The following S100A14 variants were observed in gnomAD, a reference collection of about 807,000 sequenced individuals.
The protein encoded by S100A14 is protein S100-A14.
Under a neutral mutation model 10.6 loss-of-function variants are expected in S100A14, and 6 were observed. The observed-to-expected ratio is 0.57, with a 90% CI of 0.31 to 1.12. The LOEUF is 1.12. S100A14 is among the 50% of genes most tolerant of loss of function. The pLI is 0.06. For missense variants in S100A14, 121 were observed against 128.7 expected, an observed-to-expected ratio of 0.94 and a Z score of 0.29; for synonymous variants, 51 against 51.0, an observed-to-expected ratio of 1.00 and a Z score of 0.00.
chr1:153,615,171 G>A, intron 3 of S100A14, 64 bp downstream of exon 3: 3 of 1,598,456 alleles, frequency 1.9e-6, no homozygotes, highest in Non-Finnish European at 2.6e-6. Context: ...GTGTGGGTGG[G>A]GTCCCGGAGC....
In S100A14 at chr1:153,615,838, G is replaced by A. The variant is rs753135707; in HGVS notation, c.21C>T (p.Ala7=). 1.2e-6 allele frequency: 2 copies of A among 1,613,958 alleles called. No individual in the cohort carries two copies. Among genetic ancestry groups the A allele is most frequent in the South Asian group, 1.1e-5 (1 of 91,070 alleles). MGQCRS[A]NAEDAQEFSD... is the part of the protein sequence containing the mutation. Reference sequence around the variant, plus strand: ...GAGTGAATGAGCCCACCTCTGCGTTGGCTGACCGACACTGTCCCATGGTGC... The same window carrying A: ...GAGTGAATGAGCCCACCTCTGCGTTAGCTGACCGACACTGTCCCATGGTGC... The change falls in exon 2 of 4, where the codon GCC becomes GCT. Residue 7 remains alanine, a synonymous_variant. Transcript: ENST00000344616.
In S100A14 at chr1:153,615,888, G is replaced by A. The variant is rs1666953814; in HGVS notation, c.-30C>T. The A allele has an allele frequency of 4.3e-6, 7 of 1,613,078 alleles. No homozygotes were observed. The highest frequency in any genetic ancestry group is 5.9e-6 in the Non-Finnish European group (7 of 1,179,132). On this transcript the variant is annotated 5_prime_UTR_variant, in exon 2 of 4. Coordinates refer to ENST00000344616, the MANE Select transcript of S100A14 (RefSeq NM_020672.3). ...CCCACTGTGTCTGGTCCTTTGGTGAGAGTTCTGTTGTCCTATAGCTGGCCC... is the reference window on the plus strand; with the variant it reads ...CCCACTGTGTCTGGTCCTTTGGTGAAAGTTCTGTTGTCCTATAGCTGGCCC...
Position 153,615,016 on chromosome 1 carries a change from A to G in S100A14, c.184T>C (p.Cys62Arg). 1 of 1,613,820 alleles carries G rather than the reference A, an allele frequency of 6.2e-7. No homozygotes were observed. Among genetic ancestry groups the G allele is most frequent in the Non-Finnish European group, 8.5e-7 (1 of 1,179,900 alleles). ...QQLPHLMPSNCGLEEKIANLG... is the reference protein window; with the variant it reads ...QQLPHLMPSNRGLEEKIANLG... Reference sequence around the variant, plus strand: ...TTGGCAATTTTCTCTTCCAGGCCACAGTTGCTCTGAGGGGAGTGAAGAAAC... The same window carrying G: ...TTGGCAATTTTCTCTTCCAGGCCACGGTTGCTCTGAGGGGAGTGAAGAAAC... The change falls in exon 4 of 4, where the codon TGT becomes CGT. Residue 62 changes from cysteine to arginine, a missense_variant. Coordinates refer to ENST00000344616, the MANE Select transcript of S100A14 (RefSeq NM_020672.3).
Position 153,615,952 on chromosome 1 carries a change from G to A in S100A14, c.-78-16C>T, listed in dbSNP as rs1256125600. 1 of 1,277,978 alleles carries A rather than the reference G, an allele frequency of 7.8e-7. No homozygotes were observed. Among genetic ancestry groups the A allele is most frequent in the Non-Finnish European group, 1.1e-6 (1 of 877,284 alleles). 79.2% of individuals were successfully genotyped at this position (1,277,978 alleles called of 1,614,324 possible). A position where few individuals can be genotyped will look rare whatever the true frequency, so the allele number is the denominator to read the frequency against. On this transcript the variant is annotated splice_polypyrimidine_tract_variant and intron_variant, in intron 1 of 3. Coordinates refer to ENST00000344616, the MANE Select transcript of S100A14 (RefSeq NM_020672.3). ...GGCTCATGATCTGCTTAGAGGAGGGGGTAGGCCTGAGCTGAGGAGAGAGTC... is the reference window on the plus strand; with the variant it reads ...GGCTCATGATCTGCTTAGAGGAGGGAGTAGGCCTGAGCTGAGGAGAGAGTC...
intron 2 of S100A14, 152 bp downstream of exon 2, chr1:153,615,677 G>GTGGGCCTCAGAAGGA (rs1666948177): frequency 2.5e-6 from 2 of 795,760 alleles, no homozygotes; most frequent in Admixed American, 4.2e-5. Context: ...ATCACCCTGT[G>GTGGGCCTCAGAAGGA]TGGGCCTCAG....
At chr1:153,615,677 G>A in intron 2 of S100A14, 152 bp downstream of exon 2, 2 of 795,878 alleles carry the variant, frequency 2.5e-6, no homozygotes, top group Non-Finnish European at 4.2e-6. Context: ...ATCACCCTGT[G>A]TGGGCCTCAG....
At position 153,614,839 on chromosome 1, in the gene S100A14, C is replaced by T. The variant is rs373028509; in HGVS notation, c.*46G>A. The T allele has an allele frequency of 1.9e-6, 3 of 1,596,306 alleles. No individual in the cohort carries two copies. Among genetic ancestry groups the T allele is most frequent in the African/African-American group, 1.3e-5 (1 of 74,438 alleles). ...AGAGGAGACAAGTTTTATCTCCAGGCCCACAGTCTCTCCCCAACACCCCCC... is the reference window on the plus strand; with the variant it reads ...AGAGGAGACAAGTTTTATCTCCAGGTCCACAGTCTCTCCCCAACACCCCCC... On this transcript the variant is annotated 3_prime_UTR_variant, in exon 4 of 4. Transcript: ENST00000344616.
Position 153,615,267 on chromosome 1 carries a change from G to A in S100A14, c.145C>T (p.Leu49=), listed in dbSNP as rs1163362564. The A allele has an allele frequency of 1.9e-6, 3 of 1,613,836 alleles. No individual in the cohort carries two copies. The highest frequency in any genetic ancestry group is 1.7e-6 in the Non-Finnish European group (2 of 1,179,992). ...ETLTPSELRD[L]VTQQLPHLMP... is the part of the protein sequence containing the mutation. Reference sequence around the variant, plus strand: ...AGATGGGGCAGCTGCTGGGTGACCAGGTCCCGTAGCTCAGAAGGGGTCAGC... The same window carrying A: ...AGATGGGGCAGCTGCTGGGTGACCAAGTCCCGTAGCTCAGAAGGGGTCAGC... Residue 49 remains leucine (L), a synonymous_variant, in exon 3 of 4, where the codon CTG becomes TTG. Transcript: ENST00000344616.
Position 153,615,031 on chromosome 1 carries a change from A to AGCTGCTGG in S100A14, c.178-10_178-9insCCAGCAGC. The AGCTGCTGG allele has an allele frequency of 1.4e-5, 22 of 1,613,032 alleles. No individual in the cohort carries two copies. The highest frequency in any genetic ancestry group is 1.7e-4 in the Middle Eastern group (1 of 6,050). On this transcript the variant is annotated splice_polypyrimidine_tract_variant and intron_variant, in intron 3 of 3. Coordinates refer to ENST00000344616, the MANE Select transcript of S100A14 (RefSeq NM_020672.3). ...TCCAGGCCACAGTTGCTCTGAGGGG[A>AGCTGCTGG]GTGAAGAAACCATGGCTCAGGGATG... is the stretch of plus-strand genomic sequence containing the variant.
In S100A14 at chr1:153,614,969, A is replaced by C. The variant is rs1666929271; in HGVS notation, c.231T>G (p.Ser77=). Residue 77 remains serine (S), a synonymous_variant, in exon 4 of 4, where the codon TCT becomes TCG. Coordinates refer to ENST00000344616, the MANE Select transcript of S100A14 (RefSeq NM_020672.3). ...CCCAGAAACTCCTGAACTCCAGTTT[A>C]GAGTCATTGCAGCTGCCCAGGTTGG... is the stretch of plus-strand genomic sequence containing the variant. ...KIANLGSCND[S]KLEFRSFWEL... 1 of 1,613,824 alleles carries C rather than the reference A, an allele frequency of 6.2e-7. No individual in the cohort carries two copies. The highest frequency in any genetic ancestry group is 1.7e-5 in the Admixed American group (1 of 59,980).
chr1:153,614,422 G>C lies in S100A14; in HGVS notation c.*463C>G, dbSNP rs1404699497. 6.3e-6 allele frequency: 1 copy of C among 158,926 alleles called. No individual in the cohort carries two copies. Among genetic ancestry groups the C allele is most frequent in the Non-Finnish European group, 1.4e-5 (1 of 71,960 alleles). 9.8% of individuals were successfully genotyped at this position (158,926 alleles called of 1,614,324 possible). On this transcript the variant is annotated 3_prime_UTR_variant, in exon 4 of 4. Transcript: ENST00000344616. The stretch of plus-strand genomic sequence containing the variant: ...TGCCCTAGCCCAGGGACAGAGTCTA[G>C]GAGGAGCCTGGGGCAGAGCTGGAGG...
Position 153,614,906 on chromosome 1 carries a change from C to T in S100A14, c.294G>A (p.Glu98=). The change falls in exon 4 of 4, where the codon GAG becomes GAA. Residue 98 remains glutamate (E), a synonymous_variant. Transcript: ENST00000344616. ...GTTCTCAGTGCCCCCGGACAGGCCT[C>T]TCCAGCTTCACACTCTTGGCCGCTT... ...IGEAAKSVKL[E]RPVRGH 2 of 1,613,986 alleles carry T rather than the reference C, an allele frequency of 1.2e-6. No homozygotes were observed. Among genetic ancestry groups the T allele is most frequent in the Middle Eastern group, 3.3e-4 (2 of 6,062 alleles).
intron 2 of S100A14, 48 bp downstream of exon 2, chr1:153,615,781 G>C (rs145108605): frequency 1.9e-5 from 31 of 1,602,774 alleles, no homozygotes; most frequent in Non-Finnish European, 1.9e-5. Flanking sequence ...CCCTCAGGGT[G>C]AAGGAGAGGA....
Position 153,614,838 on chromosome 1 carries a change from GC to G in S100A14, c.*46del, listed in dbSNP as rs1318098463. 1.9e-6 allele frequency: 3 copies of G among 1,594,582 alleles called. No individual in the cohort carries two copies. The highest frequency in any genetic ancestry group is 2.2e-5 in the East Asian group (1 of 44,802). ...TAGAGGAGACAAGTTTTATCTCCAG[GC>G]CCACAGTCTCTCCCCAACACCCCCC... is the stretch of plus-strand genomic sequence containing the variant. On this transcript the variant is annotated 3_prime_UTR_variant, in exon 4 of 4. Coordinates refer to ENST00000344616, the MANE Select transcript of S100A14 (RefSeq NM_020672.3).
In S100A14 at chr1:153,615,355, C is replaced by T. The variant is rs895501919; in HGVS notation, c.57G>A (p.Glu19=). ...AEDAQEFSDV[E]RAIETLIKNF... ...TCTTGATGAGGGTCTCAATGGCCCT[C>T]TCCACATCACTGAATTCCTGAGCAT... Residue 19 remains glutamate, a synonymous_variant, in exon 3 of 4, where the codon GAG becomes GAA. Coordinates refer to ENST00000344616, the MANE Select transcript of S100A14 (RefSeq NM_020672.3). The T allele has an allele frequency of 5.6e-6, 9 of 1,613,854 alleles. No individual in the cohort carries two copies. The highest frequency in any genetic ancestry group is 6.8e-6 in the Non-Finnish European group (8 of 1,179,952).
chr1:153,614,806 G>T lies in S100A14; in HGVS notation c.*79C>A. Reference sequence around the variant, plus strand: ...GGACAGGTGCAGGCTAGGGTACAGGGTGGTGGTAGAGGAGACAAGTTTTAT... The same window carrying T: ...GGACAGGTGCAGGCTAGGGTACAGGTTGGTGGTAGAGGAGACAAGTTTTAT... On this transcript the variant is annotated 3_prime_UTR_variant, in exon 4 of 4. Coordinates refer to ENST00000344616, the MANE Select transcript of S100A14 (RefSeq NM_020672.3). The T allele has an allele frequency of 6.6e-7, 1 of 1,523,396 alleles. No homozygotes were observed. Among genetic ancestry groups the T allele is most frequent in the Non-Finnish European group, 8.9e-7 (1 of 1,119,356 alleles). The allele number at this position is 1,523,396 out of a possible 1,614,324, so 94.4% of individuals were successfully genotyped here.
chr1:153,615,416 C>T (rs1207705038), intron 2 of S100A14, 35 bp from the exon 3 acceptor site: 4 of 1,603,932 alleles, frequency 2.5e-6, no homozygotes, highest in Non-Finnish European at 3.4e-6. Context: ...ATCAGTGAAG[C>T]TCCATGCACC....
chr1:153,615,808 G>T (rs1666950428), intron 2 of S100A14, 21 bp downstream of exon 2: 1 of 1,613,414 alleles, frequency 6.2e-7, no homozygotes, highest in African/African-American at 1.3e-5. Context: ...GAGCAGAAAG[G>T]CCAGGAGTGA....
At position 153,615,292 on chromosome 1, in the gene S100A14, C is replaced by T. The variant is rs199904815; in HGVS notation, c.120G>A (p.Thr40=). 1.4e-4 allele frequency: 233 copies of T among 1,613,944 alleles called. 1 individual carries two copies. Among genetic ancestry groups the T allele is most frequent in the Middle Eastern group, 3.3e-4 (2 of 6,060 alleles). ...HQYSVEGGKE[T]LTPSELRDLV... ...GGTCCCGTAGCTCAGAAGGGGTCAGCGTCTCCTTCCCACCCTCCACGGAGT... is the reference window on the plus strand; with the variant it reads ...GGTCCCGTAGCTCAGAAGGGGTCAGTGTCTCCTTCCCACCCTCCACGGAGT... Residue 40 remains threonine (T), a synonymous_variant, in exon 3 of 4, where the codon ACG becomes ACA. Transcript: ENST00000344616.
Sources: gnomAD v4.1 joint callset for allele counts on GRCh38, gnomAD v4.1.1 for gene constraint, MANE v1.5 for transcripts, NCBI Gene and HGNC (gene_info 2026-07-23, HGNC 2026-07-21) for gene names.